ASIC2: variants seen among roughly 807,000 people sequenced by gnomAD.
The protein encoded by ASIC2 is acid sensing ion channel subunit 2.
A neutral mutation model predicts 57.3 loss-of-function variants in ASIC2; 25 were observed. That is an observed-to-expected ratio of 0.44 (90% CI 0.32 to 0.61). The LOEUF is 0.61. Ranked by LOEUF, ASIC2 falls within the 20% of genes least tolerant of loss-of-function variation. The pLI, the probability that ASIC2 is intolerant of heterozygous loss-of-function variation, is 0.06. For synonymous variants in ASIC2, 319 were observed against 307.5 expected, an observed-to-expected ratio of 1.04 and a Z score of -0.39; for missense variants, 641 against 738.1, an observed-to-expected ratio of 0.87 and a Z score of 1.52.
chr17:33,249,447 T>C (rs950934166), intron 1 of ASIC2, among the ~76,000 whole-genome samples: 2 of 151,484 alleles, frequency 1.3e-5, no homozygotes, highest in African/African-American at 4.9e-5. Context: ...GGAGCGAGGG[T>C]AGAGAAAGAA....
At chr17:34,007,404 G>A (rs569302637) in intron 1 of ASIC2, among the ~76,000 whole-genome samples, 2 of 152,360 alleles carry the variant, frequency 1.3e-5, no homozygotes, top group South Asian at 4.1e-4. Flanking sequence ...CTTCCTGACT[G>A]CCAACCCAGC....
At chr17:33,474,959 G>T (rs1326620786) in intron 1 of ASIC2, among the ~76,000 whole-genome samples, 4 of 152,200 alleles carry the variant, frequency 2.6e-5, no homozygotes, top group Non-Finnish European at 5.9e-5. Context: ...AAGGGCTGGA[G>T]TTGATCGTCC....
intron 1 of ASIC2, among the ~76,000 whole-genome samples, chr17:34,025,299 G>A (rs1907332552): frequency 6.6e-6 from 1 of 152,200 alleles, no homozygotes; most frequent in South Asian, 2.1e-4. Context: ...TAAAGAATCA[G>A]ATTAGTTCCA....
intron 1 of ASIC2, among the ~76,000 whole-genome samples, chr17:34,120,480 T>C (rs1198829078): frequency 6.6e-6 from 1 of 151,846 alleles, no homozygotes; most frequent in Admixed American, 6.6e-5. Flanking sequence ...TTGGGGGATG[T>C]TGGGATAGGG....
intron 1 of ASIC2, among the ~76,000 whole-genome samples, chr17:34,049,689 C>T (rs1285712202): frequency 6.6e-6 from 1 of 152,222 alleles, no homozygotes; most frequent in Non-Finnish European, 1.5e-5. Flanking sequence ...TGATATAAAA[C>T]ATGCAGTTCC....
At chr17:33,886,975 T>C (rs1389600550) in intron 1 of ASIC2, among the ~76,000 whole-genome samples, 2 of 152,024 alleles carry the variant, frequency 1.3e-5, no homozygotes, top group Non-Finnish European at 2.9e-5. Flanking sequence ...AAAAAATGCA[T>C]TTTTTTCCCA....
At chr17:33,448,383 G>A (rs1912117380) in intron 1 of ASIC2, among the ~76,000 whole-genome samples, 2 of 152,080 alleles carry the variant, frequency 1.3e-5, no homozygotes, top group African/African-American at 2.4e-5. Flanking sequence ...ACTTTATATG[G>A]GAAAGATTTT....
intron 1 of ASIC2, among the ~76,000 whole-genome samples, chr17:33,418,913 G>A (rs1049356760): frequency 3.3e-5 from 5 of 150,660 alleles, no homozygotes; most frequent in South Asian, 2.1e-4. Context: ...GAGAACACAC[G>A]GACACGGGGG....
chr17:33,483,015 G>A (rs531539978), intron 1 of ASIC2, among the ~76,000 whole-genome samples: 3 of 152,326 alleles, frequency 2.0e-5, no homozygotes, highest in South Asian at 2.1e-4. Context: ...TGAATGAGGC[G>A]GAGAGAATGG....
chr17:33,400,602 G>C (rs529597537), intron 1 of ASIC2, among the ~76,000 whole-genome samples: 3 of 152,258 alleles, frequency 2.0e-5, no homozygotes, highest in East Asian at 1.9e-4. Flanking sequence ...TCTATTCTGA[G>C]AGCTGAAAAG....
intron 1 of ASIC2, among the ~76,000 whole-genome samples, chr17:33,161,599 T>C (rs1051573119): frequency 4.6e-5 from 7 of 152,204 alleles, no homozygotes; most frequent in Non-Finnish European, 1.0e-4. Context: ...CCCACCAATA[T>C]AATGTAAGCT....
intron 1 of ASIC2, among the ~76,000 whole-genome samples, chr17:33,576,889 T>C (rs1916640697): frequency 6.6e-6 from 1 of 152,164 alleles, no homozygotes; most frequent in Non-Finnish European, 1.5e-5. Context: ...TTCTTCTCTA[T>C]AAAATGGGAG....
Position 34,038,870 on chromosome 17 carries a change from A to G in ASIC2, c.555+117108T>C, listed in dbSNP as rs1019257667. ...TGCTAACATTTTCCGTTGTCTTTCT[A>G]TCTCTTCCCTCTGTGAATTTATCCT... On this transcript the variant is annotated intron_variant, in intron 1 of 9. Transcript: ENST00000359872. 1.8e-5 allele frequency: 29 copies of G among 1,612,436 alleles called. No individual in the cohort carries two copies. In the Admixed American group the frequency reaches 3.5e-4, roughly 19 times the overall value.
intron 1 of ASIC2, among the ~76,000 whole-genome samples, chr17:33,787,080 G>C (rs1911622206): frequency 6.6e-6 from 1 of 152,162 alleles, no homozygotes; most frequent in Non-Finnish European, 1.5e-5. Flanking sequence ...AGTACTTGTG[G>C]GGAGTCCAGG....
chr17:33,366,692 G>A (rs886098560), intron 1 of ASIC2, among the ~76,000 whole-genome samples: 3 of 152,168 alleles, frequency 2.0e-5, no homozygotes, highest in African/African-American at 7.2e-5. Flanking sequence ...GATTCTTATT[G>A]CTGTATCTAC....
chr17:33,304,940 C>T (rs1906108316), intron 1 of ASIC2, among the ~76,000 whole-genome samples: 1 of 152,098 alleles, frequency 6.6e-6, no homozygotes, highest in African/African-American at 2.4e-5. Flanking sequence ...ACTGTGCTTC[C>T]ATCTTTAACT....
At chr17:34,154,126 G>A (rs527433979) in intron 1 of ASIC2, among the ~76,000 whole-genome samples, 1 of 152,292 alleles carries the variant, frequency 6.6e-6, no homozygotes, top group East Asian at 1.9e-4. Flanking sequence ...CCTCTGTGTC[G>A]TCTGTGTGTT....
intron 1 of ASIC2, among the ~76,000 whole-genome samples, chr17:33,341,491 C>T (rs185047179): frequency 2.2e-4 from 33 of 152,286 alleles, no homozygotes; most frequent in Non-Finnish European, 4.1e-4. Flanking sequence ...GCATTGTCTA[C>T]GGTTGCTTTT....
intron 3 of ASIC2, among the ~76,000 whole-genome samples, chr17:33,048,383 C>T (rs2091963192): frequency 6.6e-6 from 1 of 152,194 alleles, no homozygotes; most frequent in African/African-American, 2.4e-5. Context: ...GATCACTGCT[C>T]ACTAGGGCCT....
Sources: gnomAD v4.1 joint callset for allele counts (sites outside exome capture counted in the v4.1 genomes callset) on GRCh38, gnomAD v4.1.1 for gene constraint, MANE v1.5 for transcripts, NCBI Gene and HGNC (gene_info 2026-07-23, HGNC 2026-07-21) for gene names.